The following SP4 variants were observed in gnomAD, a reference collection of about 807,000 sequenced individuals.
The protein encoded by SP4 is Sp4 transcription factor.
In SP4, 19 loss-of-function variants were observed where a neutral mutation model predicts 72.8. The observed-to-expected ratio is 0.26, with a 90% CI of 0.18 to 0.38. The LOEUF (loss-of-function observed/expected upper bound fraction) is 0.38. Among genes scored for constraint, SP4 ranks in the 10% least tolerant of loss-of-function variants. The pLI, the probability that SP4 is intolerant of heterozygous loss-of-function variation, is 1.00. For missense variants in SP4, 1,008 were observed against 926.3 expected, an observed-to-expected ratio of 1.09 and a Z score of -1.14; for synonymous variants, 395 against 333.1, an observed-to-expected ratio of 1.19 and a Z score of -2.02.
chr7:21,438,310 C>T lies in SP4; in HGVS notation c.1678+7467C>T, dbSNP rs1464580114. Among the ~76,000 whole-genome samples, 5 of 152,136 alleles carry T rather than the reference C, an allele frequency of 3.3e-5. No homozygotes were observed. The East Asian group carries it at 9.6e-4, about 29-fold the overall frequency. ...TCGTTCTGGGTACTTCCATCCAGCACATGGCCAGAGTTCTCTGTAAGTCTT... is the reference window on the plus strand; with the variant it reads ...TCGTTCTGGGTACTTCCATCCAGCATATGGCCAGAGTTCTCTGTAAGTCTT... On this transcript the variant is annotated intron_variant, in intron 3 of 5. Transcript: ENST00000222584.
At chr7:21,505,741 G>A (rs751506553) in intron 5 of SP4, among the ~76,000 whole-genome samples, 7 of 152,164 alleles carry the variant, frequency 4.6e-5, no homozygotes, top group East Asian at 1.9e-4. Flanking sequence ...CTTAGATCTT[G>A]TAGCAATCTA....
chr7:21,492,371 A>G (rs1785001678), intron 5 of SP4, among the ~76,000 whole-genome samples: 2 of 152,328 alleles, frequency 1.3e-5, no homozygotes, highest in South Asian at 2.1e-4. Context: ...ATATAGGTTG[A>G]TAATCTCTAA....
intron 3 of SP4, among the ~76,000 whole-genome samples, chr7:21,438,493 T>G (rs1272029258): frequency 6.6e-6 from 1 of 152,208 alleles, no homozygotes; most frequent in Non-Finnish European, 1.5e-5. Flanking sequence ...ATTCTTAAAT[T>G]TACTGTGTAC....
intron 5 of SP4, among the ~76,000 whole-genome samples, chr7:21,501,937 A>G (rs1369383864): frequency 6.6e-6 from 1 of 151,946 alleles, no homozygotes; most frequent in Non-Finnish European, 1.5e-5. Flanking sequence ...GTTGATTATA[A>G]TAGATGTAGT....
rs535282541 is a variant in SP4 at position 21,486,507 on chromosome 7, A to G, written c.2107+4384A>G. Reference sequence around the variant, plus strand: ...CCTAGTCCTTTCCTTGTCTTTTATCACCTGGACACATTTGAAAGTGGTTTT... The same window carrying G: ...CCTAGTCCTTTCCTTGTCTTTTATCGCCTGGACACATTTGAAAGTGGTTTT... On this transcript the variant is annotated intron_variant, in intron 5 of 5. Transcript: ENST00000222584. Among the ~76,000 whole-genome samples, 34 of 151,978 alleles carry G rather than the reference A, an allele frequency of 2.2e-4. 1 individual carries two copies. In the South Asian group the frequency reaches 4.2e-3, roughly 19 times the overall value.
intron 5 of SP4, among the ~76,000 whole-genome samples, chr7:21,496,426 A>T (rs542930262): frequency 6.6e-6 from 1 of 152,268 alleles, no homozygotes; most frequent in Non-Finnish European, 1.5e-5. Context: ...TGCCAAGGAT[A>T]ATAGGATTTA....
intron 5 of SP4, among the ~76,000 whole-genome samples, chr7:21,499,914 A>G (rs1272441313): frequency 6.6e-6 from 1 of 152,190 alleles, no homozygotes; most frequent in Admixed American, 6.5e-5. Flanking sequence ...GGTGCTTCAG[A>G]TACAGAAAGC....
At chr7:21,503,939 A>G (rs1583449698) in intron 5 of SP4, among the ~76,000 whole-genome samples, 1 of 152,156 alleles carries the variant, frequency 6.6e-6, no homozygotes. Context: ...TGTAATGTAG[A>G]TACTAGTTTT....
chr7:21,494,133 C>G (rs181765306), intron 5 of SP4, among the ~76,000 whole-genome samples: 96 of 152,242 alleles, frequency 6.3e-4, no homozygotes, highest in African/African-American at 2.3e-3. Flanking sequence ...AAGGAAACAT[C>G]ATTAACTGGG....
intron 3 of SP4, among the ~76,000 whole-genome samples, chr7:21,457,624 C>T (rs1057075177): frequency 2.0e-5 from 3 of 152,138 alleles, no homozygotes; most frequent in Non-Finnish European, 2.9e-5. Flanking sequence ...TGATAATTAA[C>T]AGACCATTGT....
At chr7:21,491,722 C>T (rs1784984129) in intron 5 of SP4, among the ~76,000 whole-genome samples, 2 of 152,032 alleles carry the variant, frequency 1.3e-5, no homozygotes, top group Admixed American at 1.3e-4. Context: ...CTATGGAGGA[C>T]AGAGAAAGAA....
chr7:21,448,230 T>G (rs927372789), intron 3 of SP4, among the ~76,000 whole-genome samples: 2 of 152,124 alleles, frequency 1.3e-5, no homozygotes, highest in Middle Eastern at 3.2e-3. Context: ...CTTAGAAAGT[T>G]TAGTTGAGGT....
chr7:21,500,646 CT>C (rs1193140119), intron 5 of SP4, among the ~76,000 whole-genome samples: 1 of 152,162 alleles, frequency 6.6e-6, no homozygotes, highest in African/African-American at 2.4e-5. Flanking sequence ...AGTGTTTACA[CT>C]TGGAGGCTGC....
At chr7:21,458,898 T>A (rs917702155) in intron 3 of SP4, among the ~76,000 whole-genome samples, 2 of 152,176 alleles carry the variant, frequency 1.3e-5, no homozygotes, top group African/African-American at 4.8e-5. Flanking sequence ...AGATGCAGCT[T>A]AAAATAGCCA....
At chr7:21,492,836 T>C (rs557069594) in intron 5 of SP4, among the ~76,000 whole-genome samples, 1 of 152,328 alleles carries the variant, frequency 6.6e-6, no homozygotes, top group South Asian at 2.1e-4. Context: ...GTGTATTTTA[T>C]TCAAGAGCAC....
At chr7:21,468,688 A>G (rs1430791914) in intron 3 of SP4, among the ~76,000 whole-genome samples, 1 of 152,056 alleles carries the variant, frequency 6.6e-6, no homozygotes, top group African/African-American at 2.4e-5. Flanking sequence ...TTTGTAAATC[A>G]TGACAGTTTC....
intron 3 of SP4, among the ~76,000 whole-genome samples, chr7:21,442,908 C>G (rs1288159270): frequency 6.6e-6 from 1 of 151,948 alleles, no homozygotes; most frequent in Non-Finnish European, 1.5e-5. Context: ...GCTAATTTTT[C>G]TATTTTTAGT....
chr7:21,445,442 G>A (rs1783390452), intron 3 of SP4, among the ~76,000 whole-genome samples: 1 of 152,150 alleles, frequency 6.6e-6, no homozygotes, highest in Non-Finnish European at 1.5e-5. Context: ...TGTAGCATTA[G>A]CTTAGTTGAC....
intron 3 of SP4, among the ~76,000 whole-genome samples, chr7:21,466,835 A>G (rs1244793299): frequency 1.3e-5 from 2 of 151,708 alleles, no homozygotes; most frequent in East Asian, 1.9e-4. Context: ...CTCTCTAGTC[A>G]TATGTCTGTC....
Sources: allele counts gnomAD v4.1 joint callset (sites outside exome capture counted in the v4.1 genomes callset), GRCh38; gene constraint gnomAD v4.1.1; transcripts MANE v1.5; gene names NCBI Gene and HGNC (gene_info 2026-07-23, HGNC 2026-07-21).